Variants in GRM7 observed in about 807,000 individuals in gnomAD.
GRM7 encodes the protein glutamate metabotropic receptor 7.
In GRM7, 35 loss-of-function variants were observed where a neutral mutation model predicts 84.5. The observed-to-expected ratio is 0.41, with a 90% CI of 0.32 to 0.55. GRM7 has a LOEUF of 0.55. GRM7 is among the 20% of genes least tolerant of loss of function. GRM7 has a pLI of 0.19. For missense variants in GRM7, 1,003 were observed against 1,194.6 expected (o/e 0.84, Z 2.36); for synonymous variants, 487 against 455.1 (o/e 1.07, Z -0.89).
intron 1 of GRM7, among the ~76,000 whole-genome samples, chr3:6,987,400 A>C (rs1410942329): frequency 1.1e-5 from 1 of 91,984 alleles, no homozygotes; most frequent in South Asian, 3.1e-4. Context: ...GCTGAAGGAC[A>C]AAAAAAAAAA....
At chr3:7,624,358 A>G (rs1051179681) in intron 8 of GRM7, among the ~76,000 whole-genome samples, 1 of 152,168 alleles carries the variant, frequency 6.6e-6, no homozygotes, top group Admixed American at 6.5e-5. Flanking sequence ...GTAGGATTCT[A>G]CAGAGAAAAC....
At chr3:7,507,458 T>TA (rs1445549819) in intron 7 of GRM7, among the ~76,000 whole-genome samples, 2 of 152,200 alleles carry the variant, frequency 1.3e-5, no homozygotes, top group Non-Finnish European at 2.9e-5. Context: ...ACGTTTCTTC[T>TA]AAAAAAGTAT....
chr3:7,468,265 A>G (rs1698543240), intron 7 of GRM7, among the ~76,000 whole-genome samples: 1 of 152,224 alleles, frequency 6.6e-6, no homozygotes, highest in African/African-American at 2.4e-5. Flanking sequence ...CTTCAGCTTC[A>G]ACTTGAAGGC....
At chr3:7,428,476 C>G (rs1464927451) in intron 5 of GRM7, among the ~76,000 whole-genome samples, 1 of 152,078 alleles carries the variant, frequency 6.6e-6, no homozygotes, top group Non-Finnish European at 1.5e-5. Flanking sequence ...CTCATTCACT[C>G]TGTACTATTA....
intron 1 of GRM7, among the ~76,000 whole-genome samples, chr3:6,961,120 C>G (rs911973902): frequency 2.0e-5 from 3 of 152,166 alleles, no homozygotes; most frequent in Non-Finnish European, 4.4e-5. Context: ...TTCTCTTCCA[C>G]CTGATTTCAG....
At chr3:7,208,823 T>C (rs1010278501) in intron 2 of GRM7, among the ~76,000 whole-genome samples, 6 of 152,184 alleles carry the variant, frequency 3.9e-5, no homozygotes, top group Non-Finnish European at 8.8e-5. Context: ...ACACCTAATA[T>C]GATCCTGGAT....
At chr3:6,967,613 C>T (rs1693577027) in intron 1 of GRM7, among the ~76,000 whole-genome samples, 2 of 152,248 alleles carry the variant, frequency 1.3e-5, no homozygotes, top group Non-Finnish European at 1.5e-5. Context: ...TATTTTCAGT[C>T]TTTATGAAGA....
chr3:7,339,281 C>G (rs1013930517), intron 4 of GRM7, among the ~76,000 whole-genome samples: 2 of 152,050 alleles, frequency 1.3e-5, no homozygotes, highest in Non-Finnish European at 2.9e-5. Flanking sequence ...AAAACAAAAA[C>G]CAAGACAGTA....
At chr3:7,579,560 C>T (rs901426693) in intron 8 of GRM7, among the ~76,000 whole-genome samples, 3 of 152,088 alleles carry the variant, frequency 2.0e-5, no homozygotes, top group African/African-American at 7.2e-5. Flanking sequence ...TGGAAACCAA[C>T]CAGATGTAGC....
At chr3:7,217,867 A>T (rs111706202) in intron 2 of GRM7, among the ~76,000 whole-genome samples, 6 of 151,108 alleles carry the variant, frequency 4.0e-5, no homozygotes, top group Non-Finnish European at 8.9e-5. Flanking sequence ...TAAAAATAAA[A>T]TCTACATTTT....
chr3:7,375,159 T>A (rs938026352), intron 4 of GRM7, among the ~76,000 whole-genome samples: 1 of 151,992 alleles, frequency 6.6e-6, no homozygotes, highest in Admixed American at 6.6e-5. Flanking sequence ...AAGTCCATAC[T>A]GCTCAGAATG....
At chr3:7,291,742 C>T (rs1699635937) in intron 2 of GRM7, among the ~76,000 whole-genome samples, 1 of 152,132 alleles carries the variant, frequency 6.6e-6, no homozygotes, top group African/African-American at 2.4e-5. Context: ...CTGGATACCT[C>T]ACCACCCTAA....
At chr3:7,197,373 C>T (rs1418903338) in intron 2 of GRM7, among the ~76,000 whole-genome samples, 1 of 152,164 alleles carries the variant, frequency 6.6e-6, no homozygotes, top group Admixed American at 6.5e-5. Flanking sequence ...CCTCACTATT[C>T]TTTCATGTTC....
intron 8 of GRM7, among the ~76,000 whole-genome samples, chr3:7,656,539 A>ACG (rs138474954): frequency 0.018 from 1,230 of 67,668 alleles, 23 homozygotes; most frequent in East Asian, 0.12. Flanking sequence ...ATATATATAT[A>ACG]CGCGCGCGCA....
At chr3:7,575,110 C>G (rs984956118) in intron 7 of GRM7, among the ~76,000 whole-genome samples, 1 of 152,162 alleles carries the variant, frequency 6.6e-6, no homozygotes, top group African/African-American at 2.4e-5. Context: ...TCTATGCAGT[C>G]TATTTGCCAT....
rs1055205078 is a variant in GRM7 at position 7,476,512 on chromosome 3, A to G, written c.1515+14790A>G. Among the ~76,000 whole-genome samples, 3 of 152,074 alleles carry G rather than the reference A, an allele frequency of 2.0e-5. No homozygotes were observed. The South Asian group carries it at 6.2e-4, about 32-fold the overall frequency. On this transcript the variant is annotated intron_variant, in intron 7 of 9. Transcript: ENST00000357716. ...CAGTGAGCCAAGATCACACTACTTC[A>G]CTCCAGCCTGGTGACAGTTCGAGAC...
At chr3:7,245,922 A>G (rs2124929418) in intron 2 of GRM7, among the ~76,000 whole-genome samples, 1 of 152,230 alleles carries the variant, frequency 6.6e-6, no homozygotes, top group South Asian at 2.1e-4. Flanking sequence ...AATTAATAAA[A>G]CATTTAGTAG....
At chr3:7,244,198 C>T (rs1013080070) in intron 2 of GRM7, among the ~76,000 whole-genome samples, 3 of 151,996 alleles carry the variant, frequency 2.0e-5, no homozygotes, top group African/African-American at 4.8e-5. Flanking sequence ...AAACTTTTAA[C>T]TCTTTTAACT....
chr3:7,246,160 C>CTTTGGTAGAAGTGATG (rs1697750967), intron 2 of GRM7, among the ~76,000 whole-genome samples: 1 of 152,000 alleles, frequency 6.6e-6, no homozygotes, highest in Non-Finnish European at 1.5e-5. Context: ...TACAATGGAA[C>CTTTGGTAGAAGTGATG]TTTGGTAGAA....
Sources: gnomAD v4.1 joint callset for allele counts (sites outside exome capture counted in the v4.1 genomes callset) on GRCh38, gnomAD v4.1.1 for gene constraint, MANE v1.5 for transcripts, NCBI Gene and HGNC (gene_info 2026-07-23, HGNC 2026-07-21) for gene names.